Variants in ELN observed in about 807,000 individuals in gnomAD.
ELN encodes elastin.
ELN carries 65 observed loss-of-function variants against 105.8 expected under a neutral mutation model. That is an observed-to-expected ratio of 0.61 (90% CI 0.50 to 0.75). The LOEUF is 0.75. Ranked by LOEUF, ELN falls within the 30% of genes least tolerant of loss-of-function variation. The pLI is 0.00. For synonymous variants in ELN, 368 were observed against 389.2 expected (o/e 0.95, Z 0.64); for missense variants, 882 against 969.4 (o/e 0.91, Z 1.20).
At chr7:74,062,332 T>A (rs1466879686) in intron 26 of ELN, 1 of 152,290 alleles carries the variant, frequency 6.6e-6, no homozygotes, top group African/African-American at 2.4e-5. Flanking sequence ...AGTGACGTCA[T>A]GTGGTGGAGC....
intron 22 of ELN, among the ~76,000 whole-genome samples, chr7:74,059,003 C>T (rs1796004081): frequency 1.3e-5 from 2 of 151,960 alleles, no homozygotes; most frequent in African/African-American, 2.4e-5. Flanking sequence ...TCGCCGCAGG[C>T]CTCAAACTCC....
chr7:74,058,440 A>C (rs1196744099), intron 22 of ELN, among the ~76,000 whole-genome samples: 2 of 151,676 alleles, frequency 1.3e-5, no homozygotes, highest in Admixed American at 1.3e-4. Context: ...CTACAGCCTC[A>C]ACCTCCCAGT....
intron 14 of ELN, 70 bp from the exon 15 acceptor site, chr7:74,048,433 G>A: frequency 6.2e-7 from 1 of 1,610,642 alleles, no homozygotes; most frequent in Non-Finnish European, 8.5e-7. Context: ...TCTTGGGGCT[G>A]GGAACAAGTG....
chr7:74,055,194 A>G (rs1419399190), intron 19 of ELN, among the ~76,000 whole-genome samples: 1 of 152,194 alleles, frequency 6.6e-6, no homozygotes, highest in Middle Eastern at 3.2e-3. Context: ...AATCCCAGCA[A>G]TTTGGGAGAC....
At chr7:74,057,388 C>A (rs781891119) in intron 21 of ELN, 1 of 1,500,874 alleles carries the variant, frequency 6.7e-7, no homozygotes, top group Admixed American at 2.3e-5. Context: ...CGAGGTGCTG[C>A]AGGAGCAGGA....
intron 32 of ELN, among the ~76,000 whole-genome samples, chr7:74,068,308 C>G (rs1486667975): frequency 6.6e-6 from 1 of 152,226 alleles, no homozygotes; most frequent in Non-Finnish European, 1.5e-5. Flanking sequence ...ACTCTCCCTT[C>G]ATCCCATGTT....
At chr7:74,029,539 G>A (rs782392475) in intron 1 of ELN, among the ~76,000 whole-genome samples, 17 of 152,272 alleles carry the variant, frequency 1.1e-4, no homozygotes, top group South Asian at 6.2e-4. Flanking sequence ...AGTGGGGGGC[G>A]GGAGGGCCAC....
chr7:74,052,164 T>C (rs782094142), intron 17 of ELN, 181 bp downstream of exon 17: 4 of 716,620 alleles, frequency 5.6e-6, no homozygotes, highest in Admixed American at 2.6e-5. Context: ...TGTTTTGCCC[T>C]GATTAACTCA....
chr7:74,042,677 C>G lies in ELN; in HGVS notation c.296C>G (p.Ala99Gly). The G allele has an allele frequency of 6.2e-7, 1 of 1,613,214 alleles. No individual in the cohort carries two copies. Among genetic ancestry groups the G allele is most frequent in the Non-Finnish European group, 8.5e-7 (1 of 1,179,946 alleles). Residue 99 changes from alanine (A) to glycine (G), a missense_variant, in exon 6 of 33, where the codon GCT (alanine) becomes GGT (glycine). Ala to Gly is a moderately conservative substitution (Grantham distance 60). Transcript: ENST00000252034. The stretch of plus-strand genomic sequence containing the variant: ...CTGGTGCCTGGTGGAGTGGCTGACG[C>G]TGCTGCAGCCTATAAAGCTGCTAAG... ...GALVPGGVAD[A>G]AAAYKAAKAG... is the part of the protein sequence containing the mutation.
chr7:74,043,380 G>T, intron 8 of ELN: 1 of 776,616 alleles, frequency 1.3e-6, no homozygotes, highest in Non-Finnish European at 2.2e-6. Flanking sequence ...CGGGATCTTG[G>T]GGTAGAAAGA....
chr7:74,063,088 G>A lies in ELN; in HGVS notation c.1787-65G>A. On this transcript the variant is annotated intron_variant, in intron 26 of 32. Transcript: ENST00000252034. This position sits in a 1 kb window ranked among gnomAD's most constrained non-coding sequence, Gnocchi z 4.1. Reference sequence around the variant, plus strand: ...CCTGCCACCTGTCTGCTTGCCTTGTGTCCCTGGGGCAGGGAGACCCATCGT... The same window carrying A: ...CCTGCCACCTGTCTGCTTGCCTTGTATCCCTGGGGCAGGGAGACCCATCGT... 6.5e-7 allele frequency: 1 copy of A among 1,548,150 alleles called. No individual in the cohort carries two copies. The highest frequency in any genetic ancestry group is 8.8e-7 in the Non-Finnish European group (1 of 1,142,056).
In ELN at chr7:74,042,664, G is replaced by A; in HGVS notation, c.283G>A (p.Gly95Arg). ...CTTTCCGGGGGCTCTGGTGCCTGGT[G>A]GAGTGGCTGACGCTGCTGCAGCCTA... ...VTFPGALVPGGVADAAAAYKA... is the reference protein window; with the variant it reads ...VTFPGALVPGRVADAAAAYKA... The change falls in exon 6 of 33, where the codon GGA becomes AGA. Residue 95 changes from glycine (G) to arginine (R), a missense_variant. Transcript: ENST00000252034. 1.2e-6 allele frequency: 2 copies of A among 1,613,610 alleles called. No individual in the cohort carries two copies. Among genetic ancestry groups the A allele is most frequent in the South Asian group, 1.1e-5 (1 of 91,086 alleles).
At chr7:74,040,956 G>T (rs1360499316) in intron 4 of ELN, among the ~76,000 whole-genome samples, 5 of 152,188 alleles carry the variant, frequency 3.3e-5, no homozygotes, top group Admixed American at 2.6e-4. Context: ...TTGTTAGCCA[G>T]CAGGGCTTCT....
In ELN at chr7:74,059,606, C is replaced by T. The variant is rs1285075444; in HGVS notation, c.1415-280C>T. On this transcript the variant is annotated intron_variant, in intron 22 of 32. Coordinates refer to ENST00000252034, the MANE Select transcript of ELN (RefSeq NM_000501.4). ...GGCTGAGGCAGGAGACTCACTTGAA[C>T]TCGGGAGGTGGTGGTTGCAGTGAGT... is the stretch of plus-strand genomic sequence containing the variant. 22 of 545,122 alleles carry T rather than the reference C, an allele frequency of 4.0e-5. No homozygotes were observed. In the East Asian group the frequency reaches 6.9e-4, roughly 17 times the overall value. 33.8% of individuals were successfully genotyped at this position (545,122 alleles called of 1,614,324 possible).
chr7:74,048,081 A>G (rs7791630), intron 13 of ELN, 61 bp from the exon 14 acceptor site: 1 of 1,591,632 alleles, frequency 6.3e-7, no homozygotes, highest in Non-Finnish European at 8.6e-7. Flanking sequence ...GAGCAGGGGG[A>G]GGGGGAGGGC....
intron 2 of ELN, among the ~76,000 whole-genome samples, chr7:74,035,947 A>G (rs1247355593): frequency 1.3e-5 from 2 of 151,954 alleles, no homozygotes; most frequent in Non-Finnish European, 2.9e-5. Flanking sequence ...TCTAAAAAGA[A>G]AAGGGGAAAA....
chr7:74,059,801 G>A lies in ELN; in HGVS notation c.1415-85G>A. On this transcript the variant is annotated intron_variant, in intron 22 of 32. Transcript: ENST00000252034. ...GGGTCACACAGCAAATCTATGCCAG[G>A]GCCGAGGCTCCAGCCCTCTTTCCAT... The A allele has an allele frequency of 3.7e-6, 3 of 811,930 alleles. No homozygotes were observed. The South Asian group carries it at 4.0e-5, about 11-fold the overall frequency. 50.3% of individuals were successfully genotyped at this position (811,930 alleles called of 1,614,324 possible).
intron 22 of ELN, 97 bp from the exon 23 acceptor site, chr7:74,059,789 A>C: frequency 1.3e-6 from 1 of 796,568 alleles, no homozygotes. Context: ...TCACACAGCA[A>C]ATCTATGCCA....
intron 26 of ELN, among the ~76,000 whole-genome samples, chr7:74,061,501 A>C (rs1236058682): frequency 6.6e-6 from 1 of 151,820 alleles, no homozygotes; most frequent in Non-Finnish European, 1.5e-5. Flanking sequence ...AAAACACAAA[A>C]ATTAGCCAGG....
Sources: gnomAD v4.1 joint callset for allele counts (sites outside exome capture counted in the v4.1 genomes callset) on GRCh38, gnomAD v4.1.1 for gene constraint, Gnocchi (gnomAD v3.1) non-coding constraint, MANE v1.5 for transcripts, NCBI Gene and HGNC (gene_info 2026-07-23, HGNC 2026-07-21) for gene names.